Variants in ZNF578 observed in about 807,000 individuals in gnomAD.
The protein encoded by ZNF578 is Putative chemokine-related protein B42.
Under a neutral mutation model 8.3 loss-of-function variants are expected in ZNF578, and 8 were observed. That is an observed-to-expected ratio of 0.96 (90% confidence interval 0.56 to 1.74). The LOEUF (loss-of-function observed/expected upper bound fraction) is 1.74, where lower values mean the gene tolerates loss of function less well. Ranked by LOEUF, ZNF578 falls within the 40% of genes most tolerant of loss-of-function variation. ZNF578 has a pLI of 0.00. For synonymous variants in ZNF578, 206 were observed against 232.2 expected, an observed-to-expected ratio of 0.89 and a Z score of 1.03; for missense variants, 726 against 707.5, an observed-to-expected ratio of 1.03 and a Z score of -0.30.
At chr19:52,473,095 T>C (rs529222283) in intron 2 of ZNF578, among the ~76,000 whole-genome samples, 2 of 152,318 alleles carry the variant, frequency 1.3e-5, no homozygotes, top group South Asian at 2.1e-4. Context: ...TTCAAAGATA[T>C]ATCTTTTGAT....
chr19:52,455,675 G>A (rs1387230845), intron 1 of ZNF578: 1 of 152,138 alleles, frequency 6.6e-6, no homozygotes, highest in African/African-American at 2.4e-5. Flanking sequence ...TGAGTTCTCC[G>A]ATGTATGCTC....
chr19:52,508,051 AAAAT>A (rs1434197650), intron 5 of ZNF578, among the ~76,000 whole-genome samples: 1 of 152,008 alleles, frequency 6.6e-6, no homozygotes, highest in East Asian at 1.9e-4. Context: ...CTCTGAATCA[AAAAT>A]AAATAAAGAG....
chr19:52,458,540 C>T (rs1274222785), intron 2 of ZNF578: 2 of 143,120 alleles, frequency 1.4e-5, no homozygotes, highest in Non-Finnish European at 3.0e-5. Context: ...AATTTATTGT[C>T]TACATAGGTT....
chr19:52,492,420 A>C (rs556765374), intron 3 of ZNF578, among the ~76,000 whole-genome samples: 14 of 152,164 alleles, frequency 9.2e-5, no homozygotes, highest in Non-Finnish European at 2.1e-4. Flanking sequence ...GCCCTAGGGA[A>C]GTCTCTGAAG....
chr19:52,507,920 A>C (rs1420941093), intron 5 of ZNF578, among the ~76,000 whole-genome samples: 1 of 152,032 alleles, frequency 6.6e-6, no homozygotes, highest in South Asian at 2.1e-4. Context: ...GTGGTGGCAC[A>C]TGCCTGTAAT....
At chr19:52,504,527 C>G in intron 4 of ZNF578, 128 bp from the exon 5 acceptor site, 1 of 1,526,462 alleles carries the variant, frequency 6.6e-7, no homozygotes, top group Non-Finnish European at 8.8e-7. Flanking sequence ...TTCAAAAATA[C>G]CTTAACGTGG....
intron 2 of ZNF578, among the ~76,000 whole-genome samples, chr19:52,478,818 A>G (rs1334677643): frequency 1.3e-5 from 2 of 151,878 alleles, no homozygotes; most frequent in Non-Finnish European, 2.9e-5. Flanking sequence ...GGTTCAAGCA[A>G]TTCTCCTGCT....
At chr19:52,469,108 C>T (rs1341201931) in intron 2 of ZNF578, among the ~76,000 whole-genome samples, 1 of 151,286 alleles carries the variant, frequency 6.6e-6, no homozygotes, top group African/African-American at 2.4e-5. Flanking sequence ...CCCATTTGTT[C>T]TGTACCTATA....
chr19:52,486,168 T>C (rs1435976064), intron 2 of ZNF578, among the ~76,000 whole-genome samples: 2 of 152,168 alleles, frequency 1.3e-5, no homozygotes, highest in Non-Finnish European at 2.9e-5. Flanking sequence ...GGCATTGAGG[T>C]GTTTATGTAT....
chr19:52,509,682 A>C (rs1485882848), intron 5 of ZNF578, among the ~76,000 whole-genome samples: 1 of 152,072 alleles, frequency 6.6e-6, no homozygotes, highest in East Asian at 1.9e-4. Flanking sequence ...CAGGAGAATC[A>C]CTTCAACCCA....
Position 52,516,706 on chromosome 19 carries a change from C to T in ZNF578, c.*4552C>T, listed in dbSNP as rs2059478055. Among the ~76,000 whole-genome samples, 1 of 152,164 alleles carries T rather than the reference C, an allele frequency of 6.6e-6. No individual in the cohort carries two copies. The highest frequency in any genetic ancestry group is 1.9e-4 in the East Asian group (1 of 5,184). On this transcript the variant is annotated 3_prime_UTR_variant, in exon 6 of 6. Transcript: ENST00000421239. ...AAGGCTCTTTGTAATCCTCCCCACCCTTGAGAATGGACTTGGTGAGATCCA... is the reference window on the plus strand; with the variant it reads ...AAGGCTCTTTGTAATCCTCCCCACCTTTGAGAATGGACTTGGTGAGATCCA...
chr19:52,472,945 A>G (rs1256717384), intron 2 of ZNF578, among the ~76,000 whole-genome samples: 1 of 152,190 alleles, frequency 6.6e-6, no homozygotes, highest in Non-Finnish European at 1.5e-5. Flanking sequence ...TTGTTGTATA[A>G]TATTTCTTCA....
Position 52,510,642 on chromosome 19 carries a change from A to G in ZNF578, c.261A>G (p.Thr87=), listed in dbSNP as rs1599917984. 3 of 1,609,638 alleles carry G rather than the reference A, an allele frequency of 1.9e-6. No homozygotes were observed. The highest frequency in any genetic ancestry group is 2.5e-6 in the Non-Finnish European group (3 of 1,178,068). Residue 87 remains threonine, a synonymous_variant, in exon 6 of 6, where the codon ACA becomes ACG. Transcript: ENST00000421239. ...AAGGCAATACAGAAGTGATCCACAC[A>G]GGGATGTTGCAAAGACATGAAAGTT... is the stretch of plus-strand genomic sequence containing the variant. ...TGQGNTEVIH[T]GMLQRHESYH... is the part of the protein sequence containing the mutation.
Position 52,503,693 on chromosome 19 carries a change from T to C in ZNF578, c.64-962T>C, listed in dbSNP as rs138395922. 2.0e-5 allele frequency among the ~76,000 whole-genome samples: 3 copies of C among 152,290 alleles called. 1 individual carries two copies. In the East Asian group the frequency reaches 5.8e-4, roughly 29 times the overall value. On this transcript the variant is annotated intron_variant, in intron 4 of 5. Transcript: ENST00000421239. The stretch of plus-strand genomic sequence containing the variant: ...CTTTTCTTTGAAAGCCATTTGACTT[T>C]GTCCTCTCTGAAACACCACTTGTAT...
At chr19:52,483,199 T>G (rs955465154) in intron 2 of ZNF578, among the ~76,000 whole-genome samples, 1 of 152,068 alleles carries the variant, frequency 6.6e-6, no homozygotes, top group Non-Finnish European at 1.5e-5. Context: ...GCAAATCACC[T>G]GAAGTTGGTG....
intron 3 of ZNF578, among the ~76,000 whole-genome samples, chr19:52,497,244 C>T (rs1651531): frequency 0.033 from 5,024 of 152,268 alleles, 287 homozygotes; most frequent in African/African-American, 0.11. Context: ...GGATTACAGA[C>T]GCCCACCACC....
In ZNF578 at chr19:52,511,421, A is replaced by C. The variant is rs368909242; in HGVS notation, c.1040A>C (p.Glu347Ala). Residue 347 changes from glutamate to alanine, a missense_variant, in exon 6 of 6, where the codon GAA becomes GCA. By Grantham distance (107) the Glu-to-Ala change is moderately radical. Transcript: ENST00000421239. The part of the protein sequence containing the change: ...HTGEKPYKCN[E>A]CGKSFSYKSS... Reference sequence around the variant, plus strand: ...GGTGAGAAACCTTACAAGTGTAATGAATGTGGAAAGTCCTTCAGTTACAAG... The same window carrying C: ...GGTGAGAAACCTTACAAGTGTAATGCATGTGGAAAGTCCTTCAGTTACAAG... The C allele has an allele frequency of 2.5e-6, 4 of 1,614,076 alleles. No individual in the cohort carries two copies. Among genetic ancestry groups the C allele is most frequent in the Non-Finnish European group, 8.5e-7 (1 of 1,180,024 alleles).
chr19:52,507,226 A>G (rs2059428501), intron 5 of ZNF578, among the ~76,000 whole-genome samples: 1 of 152,202 alleles, frequency 6.6e-6, no homozygotes, highest in African/African-American at 2.4e-5. Flanking sequence ...CATATCTAGT[A>G]AAAACACAAA....
At chr19:52,463,255 G>A (rs1206028083) in intron 2 of ZNF578, among the ~76,000 whole-genome samples, 4 of 152,152 alleles carry the variant, frequency 2.6e-5, no homozygotes, top group African/African-American at 7.2e-5. Flanking sequence ...GAAACCAAAC[G>A]TCTTTTTATA....
Sources: allele counts gnomAD v4.1 joint callset (sites outside exome capture counted in the v4.1 genomes callset), GRCh38; gene constraint gnomAD v4.1.1; transcripts MANE v1.5; gene names NCBI Gene and HGNC (gene_info 2026-07-23, HGNC 2026-07-21).